Variants in LMBRD1 observed in about 807,000 individuals in gnomAD.
LMBRD1 encodes LMBR1 domain containing 1, also known as lysosomal cobalamin transport escort protein LMBD1.
Under a neutral mutation model 74.8 loss-of-function variants are expected in LMBRD1, and 64 were observed. The ratio of observed to expected loss-of-function variants is 0.86; its 90% CI spans 0.70 to 1.05. The LOEUF (loss-of-function observed/expected upper bound fraction) is 1.05. Ranked by LOEUF, LMBRD1 falls within the 50% of genes least tolerant of loss-of-function variation. The pLI is 0.00. For missense variants in LMBRD1, 652 were observed against 645.9 expected (o/e 1.01, Z -0.10); for synonymous variants, 204 against 216.3 (o/e 0.94, Z 0.50).
chr6:69,778,749 TTATTA>T (rs1765759836), intron 3 of LMBRD1, among the ~76,000 whole-genome samples: 1 of 152,130 alleles, frequency 6.6e-6, no homozygotes, highest in Non-Finnish European at 1.5e-5. Flanking sequence ...AAATTGTATT[TTATTA>T]TATTTAATAT....
intron 3 of LMBRD1, among the ~76,000 whole-genome samples, chr6:69,755,457 G>A (rs1017428786): frequency 5.9e-4 from 89 of 151,972 alleles, no homozygotes; most frequent in African/African-American, 2.1e-3. Context: ...CCGGGGGAGA[G>A]CATTAGGACA....
At chr6:69,742,389 C>T (rs1223664305) in intron 5 of LMBRD1, among the ~76,000 whole-genome samples, 2 of 152,228 alleles carry the variant, frequency 1.3e-5, no homozygotes, top group African/African-American at 4.8e-5. Context: ...AAGATTCTAT[C>T]CAACAGACAC....
chr6:69,780,766 A>T (rs574738511), intron 2 of LMBRD1, among the ~76,000 whole-genome samples: 1 of 152,362 alleles, frequency 6.6e-6, no homozygotes, highest in Admixed American at 6.5e-5. Context: ...AAACACAGAC[A>T]AAAGGCACCT....
intron 5 of LMBRD1, chr6:69,746,441 G>T: frequency 6.3e-6 from 1 of 157,546 alleles, no homozygotes; most frequent in South Asian, 2.0e-4. Flanking sequence ...ACTGTGGTGT[G>T]ACAGCTGTGG....
rs3214021 is a variant in LMBRD1 at position 69,676,428 on chromosome 6, C to T, written c.1509+22G>A. On this transcript the variant is annotated intron_variant, in intron 15 of 15. Transcript: ENST00000649934. ...TAATTTATAAAGGAAGGTCAAATCA[C>T]GCGTGGGATATCTGCACTTACCCCA... 0.4 allele frequency: 637,721 copies of T among 1,599,476 alleles called. 129,440 individuals carry two copies. Among genetic ancestry groups the T allele is most frequent in the East Asian group, 0.54 (24,330 of 44,644 alleles).
At chr6:69,750,083 C>G (rs559527884) in intron 4 of LMBRD1, among the ~76,000 whole-genome samples, 1 of 115,002 alleles carries the variant, frequency 8.7e-6, no homozygotes. Context: ...TATATATACA[C>G]ATATACATAC....
intron 3 of LMBRD1, 119 bp downstream of exon 3, chr6:69,780,375 C>A: frequency 2.7e-6 from 2 of 754,452 alleles, no homozygotes; most frequent in Non-Finnish European, 4.8e-6. Context: ...CCATGTGTGT[C>A]CATGTCATTT....
At chr6:69,787,589 A>G (rs1444623203) in intron 2 of LMBRD1, among the ~76,000 whole-genome samples, 1 of 152,164 alleles carries the variant, frequency 6.6e-6, no homozygotes, top group Non-Finnish European at 1.5e-5. Context: ...TACTAAAAAT[A>G]CAAAAAATTG....
intron 7 of LMBRD1, among the ~76,000 whole-genome samples, chr6:69,730,073 T>C (rs2149863807): frequency 6.6e-6 from 1 of 152,158 alleles, no homozygotes; most frequent in East Asian, 1.9e-4. Context: ...AAAGAGATTG[T>C]ATAGTTTAAA....
chr6:69,711,322 AG>A (rs929054217), intron 9 of LMBRD1, among the ~76,000 whole-genome samples: 3 of 152,184 alleles, frequency 2.0e-5, no homozygotes, highest in African/African-American at 7.2e-5. Context: ...GTCTGAGCTC[AG>A]GGGAGCAAGA....
intron 7 of LMBRD1, among the ~76,000 whole-genome samples, chr6:69,731,655 A>G (rs1307634328): frequency 6.6e-6 from 1 of 152,142 alleles, no homozygotes; most frequent in African/African-American, 2.4e-5. Context: ...AAGTGTTCTG[A>G]GCAAGTTTAA....
At chr6:69,688,652 C>G (rs1478060719) in intron 14 of LMBRD1, among the ~76,000 whole-genome samples, 1 of 151,922 alleles carries the variant, frequency 6.6e-6, no homozygotes, top group Non-Finnish European at 1.5e-5. Flanking sequence ...TCAGCATCTA[C>G]TTGGCAGATG....
chr6:69,776,893 G>A (rs115760003), intron 3 of LMBRD1, among the ~76,000 whole-genome samples: 1,995 of 152,242 alleles, frequency 0.013, 41 homozygotes, highest in African/African-American at 0.046. Context: ...AGTGGCTCAC[G>A]TCTGTAATCC....
At chr6:69,721,191 G>A (rs1382651122) in intron 7 of LMBRD1, among the ~76,000 whole-genome samples, 1 of 152,152 alleles carries the variant, frequency 6.6e-6, no homozygotes, top group Non-Finnish European at 1.5e-5. Context: ...GCAATTCCTA[G>A]GCAACTCCTA....
intron 5 of LMBRD1, among the ~76,000 whole-genome samples, chr6:69,748,926 C>G (rs1055519514): frequency 6.6e-6 from 1 of 151,996 alleles, no homozygotes; most frequent in Non-Finnish European, 1.5e-5. Flanking sequence ...AATGTCTAAG[C>G]AGTCATCACT....
intron 2 of LMBRD1, among the ~76,000 whole-genome samples, chr6:69,782,896 G>A (rs1192954113): frequency 1.3e-5 from 2 of 152,184 alleles, no homozygotes; most frequent in Non-Finnish European, 2.9e-5. Context: ...AATATTCGGT[G>A]TAGGGTCGTT....
Position 69,752,346 on chromosome 6 carries a change from A to C in LMBRD1, c.318T>G (p.Ser106=), listed in dbSNP as rs1562112737. 2.5e-6 allele frequency: 4 copies of C among 1,608,072 alleles called. No homozygotes were observed. In the Admixed American group the frequency reaches 6.7e-5, roughly 27 times the overall value. Residue 106 remains serine, a synonymous_variant, in exon 4 of 16, where the codon TCT becomes TCG. Coordinates refer to ENST00000649934, the MANE Select transcript of LMBRD1 (RefSeq NM_018368.4). ...TVLYGYYTLY[S]VILFCVFFWI... ...AGAAGAACACACAGAACAATATAAC[A>C]GAATATAAAGCTGTGGAAATAAATA...
intron 5 of LMBRD1, among the ~76,000 whole-genome samples, chr6:69,747,876 CACCTTCAAAAATATTTCAAG>C (rs1765027057): frequency 6.6e-6 from 1 of 152,172 alleles, no homozygotes; most frequent in Admixed American, 6.5e-5. Flanking sequence ...CTGAATATGC[CACCTTCAAAAATATTTCAAG>C]ACCTTTTGTC....
chr6:69,691,910 G>C (rs1268657729), intron 14 of LMBRD1, among the ~76,000 whole-genome samples: 1 of 150,732 alleles, frequency 6.6e-6, no homozygotes, highest in African/African-American at 2.4e-5. Context: ...AGAAAGCTTG[G>C]TAAACAAATT....
Sources: gnomAD v4.1 joint callset for allele counts (sites outside exome capture counted in the v4.1 genomes callset) on GRCh38, gnomAD v4.1.1 for gene constraint, MANE v1.5 for transcripts, NCBI Gene and HGNC (gene_info 2026-07-23, HGNC 2026-07-21) for gene names.